CACNA1C: variants seen among roughly 807,000 people sequenced by gnomAD.
CACNA1C encodes voltage-dependent L-type calcium channel subunit alpha-1C.
Under a neutral mutation model 229.0 loss-of-function variants are expected in CACNA1C, and 30 were observed. The ratio of observed to expected loss-of-function variants is 0.13; its 90% confidence interval spans 0.10 to 0.18. The LOEUF (loss-of-function observed/expected upper bound fraction) is 0.18. Ranked by LOEUF, CACNA1C falls within the 10% of genes least tolerant of loss-of-function variation. The pLI, the probability that CACNA1C is intolerant of heterozygous loss-of-function variation, is 1.00. For missense variants in CACNA1C, 1,658 were observed against 2,845.0 expected, an observed-to-expected ratio of 0.58 and a Z score of 9.49; for synonymous variants, 1,114 against 1,132.5, an observed-to-expected ratio of 0.98 and a Z score of 0.33.
intron 3 of CACNA1C, among the ~76,000 whole-genome samples, chr12:2,304,827 C>G (rs1024570291): frequency 2.0e-5 from 3 of 152,082 alleles, no homozygotes; most frequent in Non-Finnish European, 4.4e-5. Context: ...GGCATCAACA[C>G]CTGGGCACAA....
At chr12:1,986,037 T>A (rs1234684727) in intron 1 of CACNA1C, among the ~76,000 whole-genome samples, 1 of 152,170 alleles carries the variant, frequency 6.6e-6, no homozygotes, top group East Asian at 1.9e-4. Context: ...ATGGTCTCGA[T>A]CTCCTGACCT....
chr12:2,314,344 G>A (rs1021442256), intron 3 of CACNA1C, among the ~76,000 whole-genome samples: 3 of 152,136 alleles, frequency 2.0e-5, no homozygotes, highest in Non-Finnish European at 4.4e-5. Context: ...TAAAGTAAAA[G>A]CTTTAAATAT....
chr12:2,341,205 C>T (rs1211556771), intron 3 of CACNA1C, among the ~76,000 whole-genome samples: 1 of 152,150 alleles, frequency 6.6e-6, no homozygotes, highest in Non-Finnish European at 1.5e-5. Context: ...GATCCTGGTT[C>T]CTCCCTGCAT....
intron 3 of CACNA1C, among the ~76,000 whole-genome samples, chr12:2,341,157 TG>T (rs2096851306): frequency 6.6e-6 from 1 of 152,132 alleles, no homozygotes; most frequent in Non-Finnish European, 1.5e-5. Flanking sequence ...TGCGGTGGCT[TG>T]GGGCAGTGAG....
chr12:2,653,260 T>A lies in CACNA1C; in HGVS notation c.4075-575T>A, dbSNP rs1455700492. On this transcript the variant is annotated intron_variant, in intron 32 of 46. Coordinates refer to ENST00000399655, the MANE Select transcript of CACNA1C (RefSeq NM_000719.7). The surrounding 1 kb of genome is among the most constrained non-coding windows in gnomAD (Gnocchi z 4.7). ...AGAGGTATTATTATTGTTTCCATTTTTCTGATGAGGAGACTGAAGTTCAGA... is the reference window on the plus strand; with the variant it reads ...AGAGGTATTATTATTGTTTCCATTTATCTGATGAGGAGACTGAAGTTCAGA... Among the ~76,000 whole-genome samples, 1 of 152,238 alleles carries A rather than the reference T, an allele frequency of 6.6e-6. No homozygotes were observed. The highest frequency in any genetic ancestry group is 2.4e-5 in the African/African-American group (1 of 41,450).
At chr12:2,195,423 G>A (rs1019633491) in intron 3 of CACNA1C, among the ~76,000 whole-genome samples, 1 of 152,224 alleles carries the variant, frequency 6.6e-6, no homozygotes, top group African/African-American at 2.4e-5. Context: ...AGTTTCTCCT[G>A]TAGTAAAGTG....
chr12:2,138,526 C>T (rs1003133184), intron 3 of CACNA1C, among the ~76,000 whole-genome samples: 7 of 151,146 alleles, frequency 4.6e-5, no homozygotes, highest in African/African-American at 1.7e-4. Context: ...CAGGGTGTGG[C>T]TCCGAGTCCC....
chr12:2,367,069 A>T (rs1321574851), intron 3 of CACNA1C, among the ~76,000 whole-genome samples: 1 of 152,180 alleles, frequency 6.6e-6, no homozygotes, highest in African/African-American at 2.4e-5. Context: ...TTGGGTGGGT[A>T]CACAGAGCCA....
chr12:2,576,608 A>G (rs997919464), intron 13 of CACNA1C, among the ~76,000 whole-genome samples: 1 of 152,110 alleles, frequency 6.6e-6, no homozygotes, highest in African/African-American at 2.4e-5. Context: ...TAGTTTACCA[A>G]CAGTGAATCT....
At chr12:2,306,955 C>T (rs1285339517) in intron 3 of CACNA1C, among the ~76,000 whole-genome samples, 1 of 152,200 alleles carries the variant, frequency 6.6e-6, no homozygotes, top group Admixed American at 6.5e-5. Flanking sequence ...ATGCTGTTGG[C>T]ACTTCCCCAG....
In CACNA1C at chr12:2,639,062, G is replaced by A. The variant is rs73243571; in HGVS notation, c.3912+4682G>A. ...AACTTCTGTTCATCTGGGAGATGCC[G>A]CTGAACAACTGCCAGGTGTCACAAG... On this transcript the variant is annotated intron_variant, in intron 30 of 46. Coordinates refer to ENST00000399655, the MANE Select transcript of CACNA1C (RefSeq NM_000719.7). This position sits in a 1 kb window ranked among gnomAD's most constrained non-coding sequence, Gnocchi z 4.2. Among the ~76,000 whole-genome samples, 1,239 of 152,348 alleles carry A rather than the reference G, an allele frequency of 8.1e-3. 25 individuals carry two copies. Among genetic ancestry groups the A allele is most frequent in the African/African-American group, 0.028 (1,185 of 41,580 alleles).
upstream of CACNA1C, among the ~76,000 whole-genome samples, chr12:2,052,498 G>A (rs2052487561): frequency 6.6e-6 from 1 of 151,726 alleles, no homozygotes; most frequent in Non-Finnish European, 1.5e-5. Context: ...TTCCCGGCGT[G>A]GCCGGCCCAG....
At chr12:2,041,270 CTTTTTTTT>C (rs58922699) in intron 1 of CACNA1C, among the ~76,000 whole-genome samples, 71 of 91,004 alleles carry the variant, frequency 7.8e-4, no homozygotes, top group African/African-American at 2.9e-3. Flanking sequence ...TAAGGGTATT[CTTTTTTTT>C]TTTTTTTTTT....
At chr12:2,436,001 A>G (rs1044169008) in intron 3 of CACNA1C, among the ~76,000 whole-genome samples, 2 of 152,200 alleles carry the variant, frequency 1.3e-5, no homozygotes, top group African/African-American at 4.8e-5. Context: ...GGAGAAGTCC[A>G]GCTGGCCTGG....
chr12:2,260,003 A>C (rs1037012445), intron 3 of CACNA1C, among the ~76,000 whole-genome samples: 6 of 152,130 alleles, frequency 3.9e-5, no homozygotes, highest in Non-Finnish European at 8.8e-5. Context: ...CCCTCTCCCC[A>C]CCAGCATCCA....
chr12:2,086,814 C>G (rs1321904355), intron 1 of CACNA1C, among the ~76,000 whole-genome samples: 2 of 152,236 alleles, frequency 1.3e-5, no homozygotes, highest in Non-Finnish European at 2.9e-5. Context: ...AGCACACCAT[C>G]ACTTCTGTGC....
At chr12:2,232,605 T>G (rs753813341) in intron 3 of CACNA1C, among the ~76,000 whole-genome samples, 6 of 152,180 alleles carry the variant, frequency 3.9e-5, no homozygotes, top group Non-Finnish European at 8.8e-5. Flanking sequence ...AATATCATGC[T>G]TTTTGTCAAG....
chr12:2,376,389 G>C (rs2098068157), intron 3 of CACNA1C, among the ~76,000 whole-genome samples: 1 of 152,146 alleles, frequency 6.6e-6, no homozygotes, highest in Non-Finnish European at 1.5e-5. Context: ...CTGAGTACCT[G>C]TGCTTGAGGA....
intron 5 of CACNA1C, among the ~76,000 whole-genome samples, chr12:2,460,686 T>C (rs2099494880): frequency 6.6e-6 from 1 of 152,200 alleles, no homozygotes; most frequent in African/African-American, 2.4e-5. Context: ...GCCCTCATGT[T>C]ACCTGCCGTG....
Sources: gnomAD v4.1 joint callset for allele counts (sites outside exome capture counted in the v4.1 genomes callset) on GRCh38, gnomAD v4.1.1 for gene constraint, Gnocchi (gnomAD v3.1) non-coding constraint, MANE v1.5 for transcripts, NCBI Gene and HGNC (gene_info 2026-07-23, HGNC 2026-07-21) for gene names.